Variants in CPNE6 observed in about 807,000 individuals in gnomAD.
CPNE6 encodes copine 6.
In CPNE6, 33 loss-of-function variants were observed where a neutral mutation model predicts 71.5. That is an observed-to-expected ratio of 0.46 (90% confidence interval 0.35 to 0.62). The LOEUF (loss-of-function observed/expected upper bound fraction) is 0.62, where lower values mean the gene tolerates loss of function less well. CPNE6 is among the 20% of genes least tolerant of loss of function. The probability of loss-of-function intolerance (pLI) is 0.00; values close to 1 mark genes in which losing one functional copy is unlikely to be tolerated. For missense variants in CPNE6, 576 were observed against 747.3 expected, an observed-to-expected ratio of 0.77 and a Z score of 2.67; for synonymous variants, 296 against 293.0, an observed-to-expected ratio of 1.01 and a Z score of -0.10.
At position 24,074,587 on chromosome 14, in the gene CPNE6, A is replaced by T. The variant is rs764521606; in HGVS notation, c.555A>T (p.Gln185His). ...AAATCTATAAGACCAACGAGGACCA[A>T]AGTGATCAGCTGGTCTGGAGAACTG... Residue 185 changes from glutamine to histidine, a missense_variant, in exon 7 of 18, where the codon CAA becomes CAT. Transcript: ENST00000397016. This position sits in a 1 kb window ranked among gnomAD's most constrained non-coding sequence, Gnocchi z 4.5. 1 of 1,614,074 alleles carries T rather than the reference A, an allele frequency of 6.2e-7. No individual in the cohort carries two copies. Among genetic ancestry groups the T allele is most frequent in the Non-Finnish European group, 8.5e-7 (1 of 1,180,040 alleles).
At chr14:24,071,606 A>G (rs1256454406) in exon 2 of CPNE6, 6 of 1,255,616 alleles carry the variant, frequency 4.8e-6, no homozygotes, top group Non-Finnish European at 5.6e-6. Flanking sequence ...CCAGGGCCAG[A>G]GAGCCGGAGA....
rs1230383119 is a variant in CPNE6 at position 24,076,786 on chromosome 14, T to C, written c.1166-93T>C. 8.2e-6 allele frequency: 13 copies of C among 1,585,656 alleles called. No homozygotes were observed. In the African/African-American group the frequency reaches 1.6e-4, roughly 20 times the overall value. On this transcript the variant is annotated intron_variant, in intron 14 of 17. Transcript: ENST00000397016. The stretch of plus-strand genomic sequence containing the variant: ...ATGAAGGAACTCGAGGGGAGGGCAG[T>C]CCTCAGACCTGGAAGCATTTCCTTG...
chr14:24,076,712 T>C (rs1484394396), intron 14 of CPNE6, 155 bp downstream of exon 13: 1 of 1,432,494 alleles, frequency 7.0e-7, no homozygotes, highest in South Asian at 1.2e-5. Flanking sequence ...GCCCAGCATC[T>C]GCACCCAACT....
Position 24,077,150 on chromosome 14 carries a change from T to C in CPNE6, c.1300-4T>C, listed in dbSNP as rs375574005. 1.9e-6 allele frequency: 3 copies of C among 1,600,484 alleles called. No homozygotes were observed. The African/African-American group carries it at 4.0e-5, about 21-fold the overall frequency. On this transcript the variant is annotated splice_polypyrimidine_tract_variant and splice_region_variant and intron_variant, in intron 15 of 17. Coordinates refer to ENST00000397016, the Ensembl canonical transcript of CPNE6. This position sits in a 1 kb window ranked among gnomAD's most constrained non-coding sequence, Gnocchi z 6.1. The stretch of plus-strand genomic sequence containing the variant: ...ACCCTTCCACCCTCTCTGCTTGCCC[T>C]CAGAAGTACTCGGTGCTGCTGGTGC...
chr14:24,071,439 GT>G, intron 1 of CPNE6, 122 bp from the exon 1 acceptor site: 1 of 1,489,276 alleles, frequency 6.7e-7, no homozygotes, highest in Non-Finnish European at 8.9e-7. Flanking sequence ...CTCCCAGGCT[GT>G]GGCCCTGCCC....
rs939280822 is a variant in CPNE6 at position 24,071,506 on chromosome 14, C to T, written c.-119-21C>T. The T allele has an allele frequency of 5.2e-6, 7 of 1,346,706 alleles. No homozygotes were observed. In the East Asian group the frequency reaches 1.5e-4, roughly 29 times the overall value. 83.4% of individuals were successfully genotyped at this position (1,346,706 alleles called of 1,614,324 possible). On this transcript the variant is annotated intron_variant, in intron 1 of 17. Coordinates refer to ENST00000397016, the Ensembl canonical transcript of CPNE6. ...GCGGGGGGAGCTGGTGCTGCGCCCC[C>T]CCCCACCCCTCCCCATCCAGGCCCC...
intron 1 of CPNE6, chr14:24,071,137 G>A (rs1397362416): frequency 2.4e-6 from 3 of 1,252,098 alleles, no homozygotes; most frequent in South Asian, 1.3e-5. Context: ...GTGAGAAGGG[G>A]TATGTTTCCC....
rs1435383496 is a variant in CPNE6, at chr14:24,077,501, C to A, written c.1537-92C>A. ...TCCTGCTAAGGACGCGGGAGCCCAG[C>A]TGGCCACCCTGAAGCCCCACTTCTC... On this transcript the variant is annotated intron_variant, in intron 16 of 17. Coordinates refer to ENST00000397016, the Ensembl canonical transcript of CPNE6. This position sits in a 1 kb window ranked among gnomAD's most constrained non-coding sequence, Gnocchi z 6.1. The A allele has an allele frequency of 3.5e-5, 55 of 1,576,304 alleles. No homozygotes were observed. In the East Asian group the frequency reaches 1.2e-3, roughly 35 times the overall value.
At chr14:24,071,600 G>C (rs1262419893) in exon 2 of CPNE6, 1 of 1,341,568 alleles carries the variant, frequency 7.5e-7, no homozygotes, top group African/African-American at 1.5e-5. Context: ...TCAGGGCCAG[G>C]GCCAGAGAGC....
In CPNE6 at chr14:24,075,340, C is replaced by A; in HGVS notation, c.777+64C>A. On this transcript the variant is annotated intron_variant, in intron 9 of 17. Transcript: ENST00000397016. This position sits in a 1 kb window ranked among gnomAD's most constrained non-coding sequence, Gnocchi z 4.3. ...CCCTGGGAGAATCCTGAGGGTGATG[C>A]TGAAGAGACCACCATAGGTGATAGG... 6.8e-7 allele frequency: 1 copy of A among 1,472,238 alleles called. No individual in the cohort carries two copies. The highest frequency in any genetic ancestry group is 9.5e-7 in the Non-Finnish European group (1 of 1,051,228). The allele number at this position is 1,472,238 out of a possible 1,614,324, so 91.2% of individuals were successfully genotyped here.
chr14:24,073,171 G>A lies in CPNE6; in HGVS notation c.168+67G>A. ...GCTTGGGAAAGAGGGAGGCTGGGTG[G>A]GAGCAGTGAAAGCCTTGCAGGGAAA... On this transcript the variant is annotated intron_variant, in intron 3 of 17. Transcript: ENST00000397016. The surrounding 1 kb of genome is among the most constrained non-coding windows in gnomAD (Gnocchi z 5.5). The A allele has an allele frequency of 7.2e-7, 1 of 1,386,294 alleles. No homozygotes were observed. The highest frequency in any genetic ancestry group is 2.8e-5 in the East Asian group (1 of 36,180). 85.9% of individuals were successfully genotyped at this position (1,386,294 alleles called of 1,614,324 possible). A position where few individuals can be genotyped will look rare whatever the true frequency, so the allele number is the denominator to read the frequency against.
At chr14:24,076,663 C>T in intron 14 of CPNE6, 106 bp downstream of exon 13, 1 of 1,519,264 alleles carries the variant, frequency 6.6e-7, no homozygotes, top group African/African-American at 1.4e-5. Flanking sequence ...TCCACCCATC[C>T]CAGGCCTGTC....
At chr14:24,071,500 C>CGGCGG in intron 1 of CPNE6, 62 bp from the exon 1 acceptor site, 2 of 1,476,308 alleles carry the variant, frequency 1.4e-6, no homozygotes, top group Non-Finnish European at 1.8e-6. Context: ...GCTGGTGCTG[C>CGGCGG]GCCCCCCCCC....
Position 24,071,652 on chromosome 14 carries a change from C to A in CPNE6, c.-5+11C>A. The A allele has an allele frequency of 1.2e-6, 1 of 865,062 alleles. No individual in the cohort carries two copies. Among genetic ancestry groups the A allele is most frequent in the Non-Finnish European group, 1.9e-6 (1 of 535,188 alleles). 53.6% of individuals were successfully genotyped at this position (865,062 alleles called of 1,614,324 possible). A position where few individuals can be genotyped will look rare whatever the true frequency, so the allele number is the denominator to read the frequency against. On this transcript the variant is annotated intron_variant, in intron 2 of 17. Transcript: ENST00000397016. Reference sequence around the variant, plus strand: ...CGACCGAGAGCCCAGGTGAGCCCACCCTTCCTCCCCAGCCCAGCCCCAGCC... The same window carrying A: ...CGACCGAGAGCCCAGGTGAGCCCACACTTCCTCCCCAGCCCAGCCCCAGCC...
chr14:24,073,006 C>A lies in CPNE6; in HGVS notation c.70C>A (p.Leu24Met), dbSNP rs1427727257. 3.3e-5 allele frequency: 52 copies of A among 1,583,778 alleles called. No individual in the cohort carries two copies. The highest frequency in any genetic ancestry group is 4.4e-5 in the Non-Finnish European group (51 of 1,166,864). Residue 24 changes from leucine to methionine, a missense_variant, in exon 3 of 18, where the codon CTG (leucine) becomes ATG (methionine). Around this residue, in one of 4 missense-constraint regions of CPNE6, gnomAD observed 89 missense variants for 80.4 expected, o/e 1.11. Coordinates refer to ENST00000397016, the Ensembl canonical transcript of CPNE6. This position sits in a 1 kb window ranked among gnomAD's most constrained non-coding sequence, Gnocchi z 5.5. ...GACGCTGGGGGCCTCTCGGGTGGAG[C>A]TGCGGGTGTCCTGCCATGGCCTCCT...
Position 24,077,043 on chromosome 14 carries a change from G to C in CPNE6, c.1299+31G>C, listed in dbSNP as rs1265797563. On this transcript the variant is annotated intron_variant, in intron 15 of 17. Coordinates refer to ENST00000397016, the Ensembl canonical transcript of CPNE6. This position sits in a 1 kb window ranked among gnomAD's most constrained non-coding sequence, Gnocchi z 6.1. ...AAGACATGGCGGGCAAACAGGAGCT[G>C]TCCCATGTGTCTTTAAGTGGTGCCA... 6.2e-7 allele frequency: 1 copy of C among 1,605,420 alleles called. No homozygotes were observed. Among genetic ancestry groups the C allele is most frequent in the Non-Finnish European group, 8.5e-7 (1 of 1,179,782 alleles).
chr14:24,075,327 C>T lies in CPNE6; in HGVS notation c.777+51C>T. The T allele has an allele frequency of 6.6e-7, 1 of 1,523,842 alleles. No homozygotes were observed. The highest frequency in any genetic ancestry group is 9.1e-7 in the Non-Finnish European group (1 of 1,097,852). The allele number at this position is 1,523,842 out of a possible 1,614,324, so 94.4% of individuals were successfully genotyped here. A position where few individuals can be genotyped will look rare whatever the true frequency, so the allele number is the denominator to read the frequency against. On this transcript the variant is annotated intron_variant, in intron 9 of 17. Transcript: ENST00000397016. This position sits in a 1 kb window ranked among gnomAD's most constrained non-coding sequence, Gnocchi z 4.3. ...ATCCCACCCAGATCCCTGGGAGAATCCTGAGGGTGATGCTGAAGAGACCAC... is the reference window on the plus strand; with the variant it reads ...ATCCCACCCAGATCCCTGGGAGAATTCTGAGGGTGATGCTGAAGAGACCAC...
In CPNE6 at chr14:24,076,864, T is replaced by C. The variant is rs373081641; in HGVS notation, c.1166-15T>C. ...GCTCATTTCTGCCAGCTTCACAACT[T>C]CTCTTCACTCACAGAGATCTCAGGG... On this transcript the variant is annotated splice_polypyrimidine_tract_variant and intron_variant, in intron 14 of 17. Transcript: ENST00000397016. 527 of 1,611,640 alleles carry C rather than the reference T, an allele frequency of 3.3e-4. No homozygotes were observed. Among genetic ancestry groups the C allele is most frequent in the Non-Finnish European group, 4.3e-4 (506 of 1,180,018 alleles).
chr14:24,071,501 G>GCCCCCCCCCCCCCCCCC (rs372732697), intron 1 of CPNE6, 61 bp from the exon 1 acceptor site: 2 of 1,417,524 alleles, frequency 1.4e-6, no homozygotes, highest in African/African-American at 1.5e-5. Flanking sequence ...CTGGTGCTGC[G>GCCCCCCCCCCCCCCCCC]CCCCCCCCCA....
Sources: gnomAD v4.1 joint callset for allele counts on GRCh38, gnomAD v4.1.1 for gene constraint, gnomAD v4.1.1 regional missense constraint, Gnocchi (gnomAD v3.1) non-coding constraint, MANE v1.5 for transcripts, NCBI Gene and HGNC (gene_info 2026-07-23, HGNC 2026-07-21) for gene names.